The following ZNF91 variants were observed in gnomAD, a reference collection of about 807,000 sequenced individuals.
The protein encoded by ZNF91 is zinc finger protein 91, also known as zinc finger protein 91 (HPF7, HTF10).
A neutral mutation model predicts 12.6 loss-of-function variants in ZNF91; 7 were observed. The ratio of observed to expected loss-of-function variants is 0.55; its 90% CI spans 0.31 to 1.04. The LOEUF is 1.04. ZNF91 is among the 50% of genes least tolerant of loss of function. The probability of loss-of-function intolerance (pLI) is 0.05; values close to 1 mark genes in which losing one functional copy is unlikely to be tolerated. For synonymous variants in ZNF91, 453 were observed against 462.6 expected, an observed-to-expected ratio of 0.98 and a Z score of 0.27; for missense variants, 1,217 against 1,385.4, an observed-to-expected ratio of 0.88 and a Z score of 1.93.
rs1475886797 is a variant in ZNF91 at position 23,362,251 on chromosome 19, C to A, written c.728G>T (p.Cys243Phe). Reference protein sequence around the residue: ...TEDKPYKCEECGKAFKQLSTL... With the variant: ...TEDKPYKCEEFGKAFKQLSTL... ...TGAGAGCTGCTTAAAAGCTTTGCCA[C>A]ATTCTTCACATTTGTAGGGTTTATC... Residue 243 changes from cysteine (C) to phenylalanine (F), a missense_variant, in exon 4 of 4, where the codon TGT becomes TTT. Cys to Phe is a radical substitution (Grantham distance 205). Around this residue, in one of 2 missense-constraint regions of ZNF91, gnomAD observed 726 missense variants for 895.5 expected, o/e 0.81. Coordinates refer to ENST00000300619, the MANE Select transcript of ZNF91 (RefSeq NM_003430.4). 3 of 1,613,974 alleles carry A rather than the reference C, an allele frequency of 1.9e-6. No homozygotes were observed. The highest frequency in any genetic ancestry group is 4.5e-5 in the East Asian group (2 of 44,874).
At chr19:23,339,894 A>AC (rs1968087406) in intron 3 of ZNF91, 1 of 151,582 alleles carries the variant, frequency 6.6e-6, no homozygotes, top group South Asian at 2.1e-4. Flanking sequence ...CAGTGAGCCA[A>AC]CACTGTGCCA....
chr19:23,347,582 C>T (rs1968262561), intron 3 of ZNF91, among the ~76,000 whole-genome samples: 1 of 152,144 alleles, frequency 6.6e-6, no homozygotes, highest in Admixed American at 6.5e-5. Context: ...CATGGTATGT[C>T]AAGGAAGGGT....
intron 3 of ZNF91, among the ~76,000 whole-genome samples, chr19:23,371,414 G>T (rs1969273015): frequency 6.6e-6 from 1 of 151,752 alleles, no homozygotes; most frequent in African/African-American, 2.4e-5. Context: ...CCAAAACTGG[G>T]GTCATATTTG....
At chr19:23,381,263 CTATT>C (rs1369402913) in intron 1 of ZNF91, among the ~76,000 whole-genome samples, 6 of 152,100 alleles carry the variant, frequency 3.9e-5, no homozygotes, top group African/African-American at 4.8e-5. Flanking sequence ...ATTAAAACAA[CTATT>C]TAAGGAATTC....
At chr19:23,371,048 G>A (rs375896421) in intron 3 of ZNF91, among the ~76,000 whole-genome samples, 118 of 152,090 alleles carry the variant, frequency 7.8e-4, no homozygotes, top group African/African-American at 2.7e-3. Context: ...AACATTGAAA[G>A]TGAACTAAGA....
chr19:23,313,914 C>T (rs890108677), upstream of ZNF91, among the ~76,000 whole-genome samples: 1 of 152,100 alleles, frequency 6.6e-6, no homozygotes, highest in African/African-American at 2.4e-5. Context: ...GAGGTGTTTG[C>T]TCTCATAGCC....
chr19:23,345,208 G>A (rs896138133), intron 3 of ZNF91, among the ~76,000 whole-genome samples: 1 of 152,124 alleles, frequency 6.6e-6, no homozygotes, highest in Non-Finnish European at 1.5e-5. Context: ...CAGCTTCCCA[G>A]GATGGTCCCC....
intron 3 of ZNF91, among the ~76,000 whole-genome samples, chr19:23,363,311 A>G (rs1001197930): frequency 6.6e-6 from 1 of 152,200 alleles, no homozygotes; most frequent in Non-Finnish European, 1.5e-5. Context: ...CTCATGACAT[A>G]AGTGTTGAAA....
At chr19:23,373,463 T>A (rs1969375265) in intron 3 of ZNF91, among the ~76,000 whole-genome samples, 1 of 150,080 alleles carries the variant, frequency 6.7e-6, no homozygotes, top group Admixed American at 6.7e-5. Context: ...TGCAAAAAAT[T>A]AGCAAAATGT....
intron 3 of ZNF91, among the ~76,000 whole-genome samples, chr19:23,373,387 A>T (rs112337886): frequency 0.059 from 4,548 of 77,040 alleles, 215 homozygotes; most frequent in Non-Finnish European, 0.089. Context: ...TATATATATA[A>T]ATAAACAGTA....
chr19:23,356,745 A>T (rs1262578253), downstream of ZNF91, among the ~76,000 whole-genome samples: 8 of 152,224 alleles, frequency 5.3e-5, no homozygotes, highest in Admixed American at 3.9e-4. Flanking sequence ...ATAAAATTTT[A>T]AAAAAGTATT....
chr19:23,367,384 A>G (rs1323724681), intron 3 of ZNF91, among the ~76,000 whole-genome samples: 1 of 150,064 alleles, frequency 6.7e-6, no homozygotes, highest in Non-Finnish European at 1.5e-5. Flanking sequence ...CTCAAACTGG[A>G]GATTAAAACT....
intron 1 of ZNF91, among the ~76,000 whole-genome samples, chr19:23,333,399 T>C (rs184194041): frequency 1.3e-5 from 2 of 152,350 alleles, no homozygotes; most frequent in Admixed American, 1.3e-4. Context: ...TTGAATTGGC[T>C]TGACTACTCA....
chr19:23,367,926 T>C (rs552397203), intron 3 of ZNF91, among the ~76,000 whole-genome samples: 10 of 152,260 alleles, frequency 6.6e-5, no homozygotes, highest in African/African-American at 2.4e-4. Flanking sequence ...TATTGTTGTT[T>C]TTTGAGATGG....
Position 23,362,264 on chromosome 19 carries a change from T to G in ZNF91, c.715A>C (p.Lys239Gln). Reference protein sequence around the residue: ...KEIHTEDKPYKCEECGKAFKQ... With the variant: ...KEIHTEDKPYQCEECGKAFKQ... Reference sequence around the variant, plus strand: ...AAAGCTTTGCCACATTCTTCACATTTGTAGGGTTTATCTTCAGTATGAATT... The same window carrying G: ...AAAGCTTTGCCACATTCTTCACATTGGTAGGGTTTATCTTCAGTATGAATT... The change falls in exon 4 of 4, where the codon AAA becomes CAA. Residue 239 changes from lysine (K) to glutamine (Q), a missense_variant. Around this residue, in one of 2 missense-constraint regions of ZNF91, gnomAD observed 726 missense variants for 895.5 expected, o/e 0.81. Coordinates refer to ENST00000300619, the MANE Select transcript of ZNF91 (RefSeq NM_003430.4). The G allele has an allele frequency of 6.2e-7, 1 of 1,614,080 alleles. No homozygotes were observed. Among genetic ancestry groups the G allele is most frequent in the Non-Finnish European group, 8.5e-7 (1 of 1,179,990 alleles).
In ZNF91 at chr19:23,362,742, A is replaced by G; in HGVS notation, c.254-17T>C. 1 of 1,423,086 alleles carries G rather than the reference A, an allele frequency of 7.0e-7. No individual in the cohort carries two copies. The allele number at this position is 1,423,086 out of a possible 1,614,324, so 88.2% of individuals were successfully genotyped here. On this transcript the variant is annotated splice_polypyrimidine_tract_variant and intron_variant, in intron 3 of 3. Coordinates refer to ENST00000300619, the MANE Select transcript of ZNF91 (RefSeq NM_003430.4). The stretch of plus-strand genomic sequence containing the variant: ...GACATATACCTGAAAAAAAAAAACT[A>G]AAAATAATAAATTACTCCACTCACC...
Position 23,362,304 on chromosome 19 carries a change from A to G in ZNF91, c.675T>C (p.Leu225=). 6.2e-7 allele frequency: 1 copy of G among 1,613,962 alleles called. No individual in the cohort carries two copies. The stretch of plus-strand genomic sequence containing the variant: ...CAGTATGAATTTCCTTATGATTAGT[A>G]AGGGTTGAGGACCAATGAAAGGTTT... ...CEKTFHWSST[L]TNHKEIHTED... is the part of the protein sequence containing the mutation. Residue 225 remains leucine, a synonymous_variant, in exon 4 of 4, where the codon CTT becomes CTC. Transcript: ENST00000300619.
intron 1 of ZNF91, among the ~76,000 whole-genome samples, chr19:23,383,230 T>G (rs1264092654): frequency 6.6e-6 from 1 of 152,194 alleles, no homozygotes; most frequent in Non-Finnish European, 1.5e-5. Flanking sequence ...AAAGAACTAC[T>G]AAAGACAGAA....
intron 3 of ZNF91, among the ~76,000 whole-genome samples, chr19:23,368,556 C>CTATATATATA (rs1380653223): frequency 1.1e-4 from 13 of 117,826 alleles, no homozygotes; most frequent in African/African-American, 3.1e-4. Context: ...CTCTCTCTCT[C>CTATATATATA]TCTCTCTATA....
Sources: gnomAD v4.1 joint callset for allele counts (sites outside exome capture counted in the v4.1 genomes callset) on GRCh38, gnomAD v4.1.1 for gene constraint, gnomAD v4.1.1 regional missense constraint, MANE v1.5 for transcripts, NCBI Gene and HGNC (gene_info 2026-07-23, HGNC 2026-07-21) for gene names.